FBXO34: variants seen among roughly 807,000 people sequenced by gnomAD.
FBXO34 encodes F-box protein 34.
In FBXO34, 12 loss-of-function variants were observed where a neutral mutation model predicts 24.5. That is an observed-to-expected ratio of 0.49 (90% CI 0.31 to 0.79). The LOEUF (loss-of-function observed/expected upper bound fraction) is 0.79, where lower values mean the gene tolerates loss of function less well. FBXO34 is among the 30% of genes least tolerant of loss of function. The probability of loss-of-function intolerance (pLI) is 0.04; values close to 1 mark genes in which losing one functional copy is unlikely to be tolerated. For missense variants in FBXO34, 823 were observed against 857.7 expected (o/e 0.96, Z 0.51); for synonymous variants, 320 against 311.9 (o/e 1.03, Z -0.27).
At chr14:55,397,918 G>C in the FBXO34 span, among the ~76,000 whole-genome samples, 1 of 147,812 alleles carries the variant, frequency 6.8e-6, no homozygotes, top group Non-Finnish European at 1.5e-5. Context: ...TTATCAAAAA[G>C]AAGAGGTATC....
chr14:55,358,845 C>T (rs1411599255), intron 3 of FBXO34, among the ~76,000 whole-genome samples: 4 of 152,106 alleles, frequency 2.6e-5, no homozygotes, highest in Admixed American at 2.6e-4. Flanking sequence ...GGGGTGGGAG[C>T]TCCCAGGTGA....
intron 1 of FBXO34, among the ~76,000 whole-genome samples, chr14:55,278,600 T>G (rs1293719303): frequency 6.6e-6 from 1 of 152,184 alleles, no homozygotes; most frequent in East Asian, 1.9e-4. Flanking sequence ...TGCTATCAAG[T>G]CCAGAGGAAA....
the FBXO34 span, chr14:55,435,873 C>T: frequency 3.8e-6 from 6 of 1,568,282 alleles, no homozygotes; most frequent in East Asian, 4.7e-5. Context: ...GCATTTTTTG[C>T]ATGCAAAGCT....
intron 1 of FBXO34, among the ~76,000 whole-genome samples, chr14:55,295,317 C>T (rs1014994697): frequency 1.3e-5 from 2 of 151,470 alleles, no homozygotes; most frequent in African/African-American, 4.9e-5. Context: ...GTGGACTAGG[C>T]CTTATGCTAA....
At chr14:55,401,344 G>A in the FBXO34 span, among the ~76,000 whole-genome samples, 1 of 150,666 alleles carries the variant, frequency 6.6e-6, no homozygotes, top group Non-Finnish European at 1.5e-5. Context: ...CTATTTTCAT[G>A]TTACTTATGT....
chr14:55,305,183 CG>C (rs1408821776), intron 1 of FBXO34, among the ~76,000 whole-genome samples: 1 of 152,122 alleles, frequency 6.6e-6, no homozygotes, highest in Middle Eastern at 3.2e-3. Flanking sequence ...GAGGTCGAGG[CG>C]GGTGGATCAT....
the FBXO34 span, among the ~76,000 whole-genome samples, chr14:55,415,695 G>A: frequency 1.3e-5 from 2 of 151,960 alleles, no homozygotes; most frequent in South Asian, 2.1e-4. Flanking sequence ...CGAAACCCCC[G>A]TCTCTACTAA....
the FBXO34 span, among the ~76,000 whole-genome samples, chr14:55,416,102 A>C: frequency 1.3e-5 from 2 of 152,124 alleles, no homozygotes; most frequent in Non-Finnish European, 2.9e-5. Context: ...GAATGGGGGG[A>C]ATGGTTTAAT....
the FBXO34 span, among the ~76,000 whole-genome samples, chr14:55,427,430 T>C: frequency 1.3e-5 from 2 of 152,174 alleles, no homozygotes; most frequent in South Asian, 2.1e-4. Flanking sequence ...TCAGATCATA[T>C]CTGAAAGGAA....
In FBXO34 at chr14:55,275,823, C is replaced by CAAAAA. The variant is rs57849080; in HGVS notation, c.-11+4300_-11+4304dup. 1.8e-4 allele frequency among the ~76,000 whole-genome samples: 16 copies of CAAAAA among 90,014 alleles called. 1 individual carries two copies. The highest frequency in any genetic ancestry group is 1.4e-3 in the East Asian group (4 of 2,822). The allele number at this position is 90,014 out of a possible 152,430, so 59.1% of individuals were successfully genotyped here. A position where few individuals can be genotyped will look rare whatever the true frequency, so the allele number is the denominator to read the frequency against. ...TGGGTGACAGAGCGAGACTCTGTCTCAAAAAAAAAAAAAAAAAACGAGGAT... is the reference window on the plus strand; with the variant it reads ...TGGGTGACAGAGCGAGACTCTGTCTCAAAAAAAAAAAAAAAAAAAAAAACGAGGAT... On this transcript the variant is annotated intron_variant, in intron 1 of 1. Coordinates refer to ENST00000313833, the MANE Select transcript of FBXO34 (RefSeq NM_017943.4).
intron 1 of FBXO34, among the ~76,000 whole-genome samples, chr14:55,348,191 G>A (rs1251457967): frequency 6.6e-6 from 1 of 152,168 alleles, no homozygotes; most frequent in Non-Finnish European, 1.5e-5. Flanking sequence ...CAAAGGTTTT[G>A]TTTGGTTGGT....
chr14:55,429,971 C>T, the FBXO34 span, among the ~76,000 whole-genome samples: 2 of 152,064 alleles, frequency 1.3e-5, no homozygotes, highest in African/African-American at 4.8e-5. Context: ...TCGGCTTTCT[C>T]ACCCAATCTT....
downstream of FBXO34, among the ~76,000 whole-genome samples, chr14:55,364,051 A>G (rs1453029146): frequency 1.3e-5 from 2 of 151,302 alleles, no homozygotes; most frequent in Admixed American, 6.6e-5. Context: ...CCTGGGTTCA[A>G]GCGATTCTCC....
At chr14:55,297,010 A>G (rs1413702232) in intron 1 of FBXO34, among the ~76,000 whole-genome samples, 1 of 152,194 alleles carries the variant, frequency 6.6e-6, no homozygotes, top group East Asian at 1.9e-4. Flanking sequence ...ATTAGAATCT[A>G]CAATTGTAGG....
intron 1 of FBXO34, among the ~76,000 whole-genome samples, chr14:55,335,749 A>G (rs550374212): frequency 6.6e-6 from 1 of 152,334 alleles, no homozygotes; most frequent in Non-Finnish European, 1.5e-5. Flanking sequence ...ATCAGTTTCC[A>G]TGTTTATGAA....
intron 1 of FBXO34, among the ~76,000 whole-genome samples, chr14:55,312,682 C>G (rs1381197294): frequency 1.3e-5 from 2 of 152,238 alleles, no homozygotes; most frequent in East Asian, 3.9e-4. Context: ...TGTAAGCTGC[C>G]AAGGCTTGGG....
rs533801665 is a variant in FBXO34, at chr14:55,275,662, A to T, written c.-11+4125A>T. The stretch of plus-strand genomic sequence containing the variant: ...ACCCCATCTCTACTAAAAAAAAAAA[A>T]AAATACAAAAAATTAGCCAGGCGTG... On this transcript the variant is annotated intron_variant, in intron 1 of 1. Transcript: ENST00000313833. Among the ~76,000 whole-genome samples the T allele has an allele frequency of 8.6e-4, 130 of 151,896 alleles. 1 individual carries two copies. Among genetic ancestry groups the T allele is most frequent in the South Asian group, 2.1e-3 (10 of 4,816 alleles).
chr14:55,330,724 G>A (rs1254342745), intron 1 of FBXO34, among the ~76,000 whole-genome samples: 5 of 152,112 alleles, frequency 3.3e-5, no homozygotes, highest in Non-Finnish European at 7.4e-5. Context: ...CTGGGAGTTC[G>A]AGGCTGCAGT....
chr14:55,375,684 T>A, the FBXO34 span, among the ~76,000 whole-genome samples: 720 of 152,106 alleles, frequency 4.7e-3, 5 homozygotes, highest in African/African-American at 0.016. Flanking sequence ...CTCTTGGATA[T>A]CCAGTTCAAT....
Sources: gnomAD v4.1 joint callset for allele counts (sites outside exome capture counted in the v4.1 genomes callset) on GRCh38, gnomAD v4.1.1 for gene constraint, MANE v1.5 for transcripts, NCBI Gene and HGNC (gene_info 2026-07-23, HGNC 2026-07-21) for gene names.